The following DOCK4 variants were observed in gnomAD, a reference collection of about 807,000 sequenced individuals.
The protein encoded by DOCK4 is dedicator of cytokinesis 4, also known as dedicator of cytokinesis protein 4.
Under a neutral mutation model 268.1 loss-of-function variants are expected in DOCK4, and 97 were observed. The ratio of observed to expected loss-of-function variants is 0.36; its 90% CI spans 0.31 to 0.43. The LOEUF is 0.43. DOCK4 is among the 20% of genes least tolerant of loss of function. DOCK4 has a pLI of 1.00. For missense variants in DOCK4, 2,145 were observed against 2,455.7 expected, an observed-to-expected ratio of 0.87 and a Z score of 2.67; for synonymous variants, 954 against 887.2, an observed-to-expected ratio of 1.08 and a Z score of -1.34.
chr7:111,896,670 G>A (rs1244542039), intron 15 of DOCK4, among the ~76,000 whole-genome samples: 3 of 152,006 alleles, frequency 2.0e-5, no homozygotes, highest in Non-Finnish European at 4.4e-5. Context: ...GTTCAACTTT[G>A]GGATGCAGTA....
intron 1 of DOCK4, among the ~76,000 whole-genome samples, chr7:112,126,739 G>C (rs1287760460): frequency 2.0e-5 from 3 of 152,152 alleles, no homozygotes; most frequent in Non-Finnish European, 4.4e-5. Context: ...CCATCAAAAA[G>C]TGGGCGAAGG....
intron 16 of DOCK4, among the ~76,000 whole-genome samples, chr7:111,890,944 G>A (rs113214326): frequency 3.3e-5 from 5 of 152,182 alleles, no homozygotes; most frequent in South Asian, 2.1e-4. Context: ...CATTTTTAAC[G>A]CAGTTTTTTT....
In DOCK4 at chr7:111,739,165, G is replaced by C; in HGVS notation, c.5201C>G (p.Ala1734Gly). ...AGGCTCCACAGGTGTTGGATAGATG[G>C]CACTGCATGGTCTCTCTCTTGGTGA... ...CLSPRERPCS[A>G]IYPTPVEPSQ... Residue 1734 changes from alanine (A) to glycine (G), a missense_variant, in exon 49 of 53, where the codon GCC becomes GGC. Ala to Gly is a moderately conservative substitution (Grantham distance 60). Around this residue, in one of 2 missense-constraint regions of DOCK4, gnomAD observed 547 missense variants for 469.0 expected, o/e 1.17. Coordinates refer to ENST00000428084, the MANE Select transcript of DOCK4 (RefSeq NM_001363540.2). 6.2e-7 allele frequency: 1 copy of C among 1,613,968 alleles called. No homozygotes were observed. Among genetic ancestry groups the C allele is most frequent in the Non-Finnish European group, 8.5e-7 (1 of 1,179,856 alleles).
At chr7:111,744,254 C>T (rs574825407) in intron 44 of DOCK4, among the ~76,000 whole-genome samples, 65 of 152,290 alleles carry the variant, frequency 4.3e-4, no homozygotes, top group African/African-American at 1.5e-3. Context: ...TGTTGAGAGC[C>T]ACATTTCCTG....
intron 24 of DOCK4, among the ~76,000 whole-genome samples, chr7:111,846,628 T>C (rs909804437): frequency 8.6e-5 from 13 of 151,996 alleles, no homozygotes; most frequent in Admixed American, 6.5e-5. Flanking sequence ...CTGAGTATCA[T>C]GAAGTAGCCT....
In DOCK4 at chr7:111,758,733, T is replaced by C. The variant is rs1278766352; in HGVS notation, c.4220A>G (p.Glu1407Gly). 1 of 1,613,948 alleles carries C rather than the reference T, an allele frequency of 6.2e-7. No individual in the cohort carries two copies. Residue 1407 changes from glutamate (E) to glycine (G), a missense_variant, in exon 41 of 53, where the codon GAG becomes GGG. Physicochemically the swap from Glu to Gly is moderately conservative, Grantham distance 98. This residue lies in a region of DOCK4 where 1,598 missense variants were observed against 1,986.7 expected (regional missense o/e 0.80). Coordinates refer to ENST00000428084, the MANE Select transcript of DOCK4 (RefSeq NM_001363540.2). ...IPESQEVLQREGVPDNIKSFY... is the reference protein window; with the variant it reads ...IPESQEVLQRGGVPDNIKSFY... ...GCTTTTGATGTTGTCCGGAACACCC[T>C]CTCTCTGCAGGACCTCCTGGCTCTC...
chr7:112,128,231 C>G (rs879480327), intron 1 of DOCK4, among the ~76,000 whole-genome samples: 3 of 152,188 alleles, frequency 2.0e-5, no homozygotes, highest in Non-Finnish European at 2.9e-5. Context: ...ATTACTCTCC[C>G]CTTAAAAACT....
chr7:112,040,444 A>C (rs1158990166), intron 1 of DOCK4, among the ~76,000 whole-genome samples: 1 of 152,244 alleles, frequency 6.6e-6, no homozygotes, highest in Non-Finnish European at 1.5e-5. Flanking sequence ...CTGATCAAGA[A>C]GTATCATTTG....
rs532560670 is a variant in DOCK4 at position 112,003,686 on chromosome 7, G to C, written c.121+362C>G. 2.2e-4 allele frequency among the ~76,000 whole-genome samples: 33 copies of C among 152,248 alleles called. No individual in the cohort carries two copies. The South Asian group carries it at 6.8e-3, about 32-fold the overall frequency. On this transcript the variant is annotated intron_variant, in intron 2 of 52. Transcript: ENST00000428084. ...AGAGGCATCTGGCTACTCAACCTCAGGTAAGCCATGTCTGCTCTGGGCCTC... is the reference window on the plus strand; with the variant it reads ...AGAGGCATCTGGCTACTCAACCTCACGTAAGCCATGTCTGCTCTGGGCCTC...
In DOCK4 at chr7:111,880,511, G is replaced by A. The variant is rs535426114; in HGVS notation, c.1588-3325C>T. Among the ~76,000 whole-genome samples, 2 of 152,126 alleles carry A rather than the reference G, an allele frequency of 1.3e-5. 1 individual carries two copies. Among genetic ancestry groups the A allele is most frequent in the Non-Finnish European group, 2.9e-5 (2 of 68,010 alleles). On this transcript the variant is annotated intron_variant, in intron 16 of 52. Coordinates refer to ENST00000428084, the MANE Select transcript of DOCK4 (RefSeq NM_001363540.2). Reference sequence around the variant, plus strand: ...AATGAGGAAGAAGAAATCATCTGAAGGTACAAAACTCACTGGTAATAGTAA... The same window carrying A: ...AATGAGGAAGAAGAAATCATCTGAAAGTACAAAACTCACTGGTAATAGTAA...
Position 111,965,014 on chromosome 7 carries a change from T to C in DOCK4, c.701+12118A>G, listed in dbSNP as rs1363006427. Among the ~76,000 whole-genome samples the C allele has an allele frequency of 1.5e-4, 8 of 52,258 alleles. No homozygotes were observed. The South Asian group carries it at 5.3e-3, about 35-fold the overall frequency. The allele number at this position is 52,258 out of a possible 152,430, so 34.3% of individuals were successfully genotyped here. On this transcript the variant is annotated intron_variant, in intron 8 of 52. Transcript: ENST00000428084. ...ATAGACAAGCAAATGCTGAGAGATT[T>C]TGTCACCACCAGGCCTGCCCTAAAA...
At chr7:112,066,507 T>G (rs1806951351) in intron 1 of DOCK4, among the ~76,000 whole-genome samples, 2 of 133,598 alleles carry the variant, frequency 1.5e-5, no homozygotes, top group Non-Finnish European at 1.5e-5. Flanking sequence ...CCTCTCTCTC[T>G]CTCTCTATAT....
intron 8 of DOCK4, among the ~76,000 whole-genome samples, chr7:111,960,591 G>A (rs1287821526): frequency 7.6e-6 from 1 of 131,014 alleles, no homozygotes; most frequent in African/African-American, 2.9e-5. Context: ...CAATGTGCAA[G>A]TATATAATAC....
At chr7:112,176,275 C>T (rs942920306) in intron 1 of DOCK4, among the ~76,000 whole-genome samples, 2 of 152,130 alleles carry the variant, frequency 1.3e-5, no homozygotes, top group African/African-American at 4.8e-5. Flanking sequence ...AAGTTGAGAT[C>T]GGGAAACAGA....
Position 112,000,496 on chromosome 7 carries a change from TG to T in DOCK4, c.159del (p.Lys54ArgfsTer11). 6.6e-7 allele frequency: 1 copy of T among 1,516,324 alleles called. No individual in the cohort carries two copies. The highest frequency in any genetic ancestry group is 1.3e-5 in the South Asian group (1 of 78,468). 93.9% of individuals were successfully genotyped at this position (1,516,324 alleles called of 1,614,324 possible). ...YRGFALKNPNIKGIFPSSYVH... is the reference protein window; with the variant it reads ...YRGFALKNPNXKGIFPSSYVH... ...TAGTTAGAAATAACAATTTTTACCT[TG>T]ATATTTGGGTTTTTTAAGGCAAATC... On this transcript the variant is annotated frameshift_variant, in exon 3 of 53. Transcript: ENST00000428084. LOFTEE classifies it high-confidence loss of function.
rs539166445 is a variant in DOCK4 at position 111,992,100 on chromosome 7, C to T, written c.315+2035G>A. ...ATTTCTCCTAAACTTTTTGTGGTTA[C>T]ATTACTGATTATTAAGTGGTATTTT... On this transcript the variant is annotated intron_variant, in intron 5 of 52. Coordinates refer to ENST00000428084, the MANE Select transcript of DOCK4 (RefSeq NM_001363540.2). Among the ~76,000 whole-genome samples the T allele has an allele frequency of 9.3e-4, 141 of 151,568 alleles. 1 individual carries two copies. Among genetic ancestry groups the T allele is most frequent in the Middle Eastern group, 3.4e-3 (1 of 292 alleles).
chr7:111,894,423 G>A (rs1381910290), intron 16 of DOCK4, among the ~76,000 whole-genome samples: 2 of 152,080 alleles, frequency 1.3e-5, no homozygotes, highest in Non-Finnish European at 2.9e-5. Flanking sequence ...GCAAGCTGAG[G>A]GATCAACAGA....
Position 111,909,670 on chromosome 7 carries a change from T to A in DOCK4, c.1192+6109A>T, listed in dbSNP as rs1791924292. The stretch of plus-strand genomic sequence containing the variant: ...TCACTCCAGTGTTTTCACTTAAATC[T>A]TTTTAGGGGATGGGCATGGTGGCCC... On this transcript the variant is annotated intron_variant, in intron 13 of 52. Coordinates refer to ENST00000428084, the MANE Select transcript of DOCK4 (RefSeq NM_001363540.2). Among the ~76,000 whole-genome samples the A allele has an allele frequency of 2.0e-5, 3 of 152,196 alleles. No homozygotes were observed. In the South Asian group the frequency reaches 6.2e-4, roughly 31 times the overall value.
intron 11 of DOCK4, among the ~76,000 whole-genome samples, chr7:111,936,511 T>C (rs1341486402): frequency 2.6e-5 from 4 of 151,984 alleles, no homozygotes; most frequent in African/African-American, 9.7e-5. Flanking sequence ...GATGGATGGA[T>C]GGATGGATGG....
Sources: gnomAD v4.1 joint callset for allele counts (sites outside exome capture counted in the v4.1 genomes callset) on GRCh38, gnomAD v4.1.1 for gene constraint, gnomAD v4.1.1 regional missense constraint, MANE v1.5 for transcripts, NCBI Gene and HGNC (gene_info 2026-07-23, HGNC 2026-07-21) for gene names.